ZNF776: variants seen among roughly 807,000 people sequenced by gnomAD.
ZNF776 encodes zinc finger protein 776.
A neutral mutation model predicts 7.0 loss-of-function variants in ZNF776; 4 were observed. That is an observed-to-expected ratio of 0.57 (90% CI 0.28 to 1.31). The LOEUF is 1.31. Ranked by LOEUF, ZNF776 falls within the 50% of genes most tolerant of loss-of-function variation. The probability of loss-of-function intolerance (pLI) is 0.10; values close to 1 mark genes in which losing one functional copy is unlikely to be tolerated. For missense variants in ZNF776, 555 were observed against 625.9 expected (o/e 0.89, Z 1.21); for synonymous variants, 212 against 213.7 (o/e 0.99, Z 0.07).
At chr19:57,747,196 G>C (rs892911186) in intron 1 of ZNF776, 105 bp downstream of exon 1, 2 of 1,301,958 alleles carry the variant, frequency 1.5e-6, no homozygotes, top group Non-Finnish European at 2.1e-6. Flanking sequence ...TGAACCCGGC[G>C]TCGGGACACT....
In ZNF776 at chr19:57,756,226, C is replaced by T. The variant is rs1382289066; in HGVS notation, c.*1539C>T. On this transcript the variant is annotated 3_prime_UTR_variant, in exon 3 of 3. Transcript: ENST00000317178. ...TTACTTGACAAGATGGGCTGTCTTT[C>T]CTAGGAATCTCATGATTGTCATGAT... The T allele has an allele frequency of 6.6e-6, 1 of 151,828 alleles. No homozygotes were observed. The highest frequency in any genetic ancestry group is 1.5e-5 in the Non-Finnish European group (1 of 68,018). 9.4% of individuals were successfully genotyped at this position (151,828 alleles called of 1,614,324 possible). A position where few individuals can be genotyped will look rare whatever the true frequency, so the allele number is the denominator to read the frequency against.
chr19:57,757,790 C>G lies in ZNF776; in HGVS notation c.*3103C>G, dbSNP rs1397924976. 6.6e-6 allele frequency: 1 copy of G among 152,144 alleles called. No individual in the cohort carries two copies. The highest frequency in any genetic ancestry group is 2.4e-5 in the African/African-American group (1 of 41,434). The allele number at this position is 152,144 out of a possible 1,614,324, so 9.4% of individuals were successfully genotyped here. A position where few individuals can be genotyped will look rare whatever the true frequency, so the allele number is the denominator to read the frequency against. On this transcript the variant is annotated 3_prime_UTR_variant, in exon 3 of 3. Transcript: ENST00000317178. ...CTTAAAAAATAAATACTATCTTTCT[C>G]TCTGGCCTCTCCATGCTCCAGACAA... is the stretch of plus-strand genomic sequence containing the variant.
chr19:57,750,216 G>A (rs1172621232), intron 1 of ZNF776, among the ~76,000 whole-genome samples: 4 of 150,776 alleles, frequency 2.7e-5, no homozygotes, highest in African/African-American at 9.8e-5. Flanking sequence ...TTGAGCTCAG[G>A]ATTTCGAGAC....
rs200364509 is a variant in ZNF776 at position 57,747,024 on chromosome 19, C to T, written c.-35C>T. On this transcript the variant is annotated 5_prime_UTR_variant, in exon 1 of 3. Transcript: ENST00000317178. ...TGCCCGGGTACCTGCACTGCTCGCCCCCTCCTTTCGACCCCGCTTTCCCCA... is the reference window on the plus strand; with the variant it reads ...TGCCCGGGTACCTGCACTGCTCGCCTCCTCCTTTCGACCCCGCTTTCCCCA... 2.6e-6 allele frequency: 4 copies of T among 1,559,920 alleles called. No homozygotes were observed. Among genetic ancestry groups the T allele is most frequent in the Non-Finnish European group, 3.5e-6 (4 of 1,151,096 alleles).
At chr19:57,751,500 T>C (rs966632907) in intron 2 of ZNF776, among the ~76,000 whole-genome samples, 10 of 152,048 alleles carry the variant, frequency 6.6e-5, no homozygotes, top group Non-Finnish European at 5.9e-5. Flanking sequence ...TAACTCGGAC[T>C]AGAGGCTTCT....
chr19:57,756,067 A>G lies in ZNF776; in HGVS notation c.*1380A>G, dbSNP rs1434278721. 1 of 152,202 alleles carries G rather than the reference A, an allele frequency of 6.6e-6. No homozygotes were observed. The highest frequency in any genetic ancestry group is 1.5e-5 in the Non-Finnish European group (1 of 68,032). The allele number at this position is 152,202 out of a possible 1,614,324, so 9.4% of individuals were successfully genotyped here. ...ATGATAGCTGATGAACTTTTTTAAA[A>G]AATCACACAAAAACCCTCATAATGT... is the stretch of plus-strand genomic sequence containing the variant. On this transcript the variant is annotated 3_prime_UTR_variant, in exon 3 of 3. Coordinates refer to ENST00000317178, the MANE Select transcript of ZNF776 (RefSeq NM_173632.4).
At chr19:57,749,049 A>G (rs926869936) in intron 1 of ZNF776, 3 of 151,454 alleles carry the variant, frequency 2.0e-5, no homozygotes, top group African/African-American at 7.3e-5. Context: ...GCTCATTACA[A>G]CCTCCACCTC....
rs375490927 is a variant in ZNF776 at position 57,753,656 on chromosome 19, A to C, written c.526A>C (p.Ser176Arg). 8.1e-6 allele frequency: 13 copies of C among 1,614,134 alleles called. No homozygotes were observed. The highest frequency in any genetic ancestry group is 1.7e-5 in the Admixed American group (1 of 60,024). The stretch of plus-strand genomic sequence containing the variant: ...TGAGGTTGGGAAAGACTTTTTGTCC[A>C]GCTTGAGATTACTCCAACAAGAGGA... ...FHEVGKDFLS[S>R]LRLLQQEDIH... The change falls in exon 3 of 3, where the codon AGC becomes CGC. Residue 176 changes from serine to arginine, a missense_variant. Ser to Arg is a moderately radical substitution (Grantham distance 110, BLOSUM62 -1). Transcript: ENST00000317178.
intron 1 of ZNF776, among the ~76,000 whole-genome samples, chr19:57,747,475 A>T (rs1338180124): frequency 3.3e-5 from 5 of 152,202 alleles, no homozygotes; most frequent in Non-Finnish European, 7.3e-5. Context: ...CCAGGCTTTA[A>T]AGGTTTCCCA....
chr19:57,754,571 A>G lies in ZNF776; in HGVS notation c.1441A>G (p.Ile481Val), dbSNP rs1298625319. The change falls in exon 3 of 3, where the codon ATT becomes GTT. Residue 481 changes from isoleucine to valine, a missense_variant. Coordinates refer to ENST00000317178, the MANE Select transcript of ZNF776 (RefSeq NM_173632.4). ...QKGSLIRHQQ[I>V]HSGERPHECG... ...GGGCAGTCTCATTCGACATCAGCAG[A>G]TTCACTCTGGAGAAAGGCCACATGA... 3 of 1,614,062 alleles carry G rather than the reference A, an allele frequency of 1.9e-6. No individual in the cohort carries two copies. The highest frequency in any genetic ancestry group is 2.5e-6 in the Non-Finnish European group (3 of 1,179,992).
chr19:57,751,142 T>C (rs1986591752), intron 2 of ZNF776, among the ~76,000 whole-genome samples: 1 of 152,164 alleles, frequency 6.6e-6, no homozygotes, highest in African/African-American at 2.4e-5. Flanking sequence ...GAAGGAGCTT[T>C]ACAGGCACCA....
chr19:57,749,410 A>G (rs1986538183), intron 1 of ZNF776: 1 of 152,246 alleles, frequency 6.6e-6, no homozygotes, highest in Non-Finnish European at 1.5e-5. Context: ...ATGTGGAGTA[A>G]TGCAAGGAGG....
Position 57,746,999 on chromosome 19 carries a change from T to G in ZNF776, c.-60T>G, listed in dbSNP as rs1040479424. 8.9e-5 allele frequency: 134 copies of G among 1,499,720 alleles called. 1 individual carries two copies. The highest frequency in any genetic ancestry group is 1.2e-4 in the Non-Finnish European group (130 of 1,111,350). 92.9% of individuals were successfully genotyped at this position (1,499,720 alleles called of 1,614,324 possible). On this transcript the variant is annotated 5_prime_UTR_variant, in exon 1 of 3. Coordinates refer to ENST00000317178, the MANE Select transcript of ZNF776 (RefSeq NM_173632.4). Reference sequence around the variant, plus strand: ...ACCAAGGCCGGGATCGGGACCACCGTGCCCGGGTACCTGCACTGCTCGCCC... The same window carrying G: ...ACCAAGGCCGGGATCGGGACCACCGGGCCCGGGTACCTGCACTGCTCGCCC...
In ZNF776 at chr19:57,758,037, A is replaced by C. The variant is rs1055130628; in HGVS notation, c.*3350A>C. On this transcript the variant is annotated 3_prime_UTR_variant, in exon 3 of 3. Coordinates refer to ENST00000317178, the MANE Select transcript of ZNF776 (RefSeq NM_173632.4). ...GATATATGAGTAGTTCATTCTTTTT[A>C]TCTTAGAATATGACATGCTATGGAA... 1.3e-5 allele frequency: 2 copies of C among 152,044 alleles called. No homozygotes were observed. Among genetic ancestry groups the C allele is most frequent in the Non-Finnish European group, 2.9e-5 (2 of 68,012 alleles). The allele number at this position is 152,044 out of a possible 1,614,324, so 9.4% of individuals were successfully genotyped here.
intron 2 of ZNF776, among the ~76,000 whole-genome samples, chr19:57,752,569 T>C (rs1986639461): frequency 6.6e-6 from 1 of 152,080 alleles, no homozygotes; most frequent in Admixed American, 6.5e-5. Context: ...GACATAACAT[T>C]AGGGATTTAG....
rs12609667 is a variant in ZNF776, at chr19:57,754,824, C to A, written c.*137C>A. On this transcript the variant is annotated 3_prime_UTR_variant, in exon 3 of 3. Transcript: ENST00000317178. ...TGGCCTCATTCAACAATAGCAAGAT[C>A]ACACTGGGGAAAGGCTTTCTGAGTG... 1 of 824,432 alleles carries A rather than the reference C, an allele frequency of 1.2e-6. No homozygotes were observed. The highest frequency in any genetic ancestry group is 1.9e-6 in the Non-Finnish European group (1 of 533,494). The allele number at this position is 824,432 out of a possible 1,614,324, so 51.1% of individuals were successfully genotyped here. A position where few individuals can be genotyped will look rare whatever the true frequency, so the allele number is the denominator to read the frequency against.
chr19:57,746,889 T>C lies in ZNF776; in HGVS notation c.-170T>C. 5.0e-6 allele frequency: 3 copies of C among 600,950 alleles called. No homozygotes were observed. The highest frequency in any genetic ancestry group is 4.8e-5 in the South Asian group (2 of 41,560). 37.2% of individuals were successfully genotyped at this position (600,950 alleles called of 1,614,324 possible). A position where few individuals can be genotyped will look rare whatever the true frequency, so the allele number is the denominator to read the frequency against. ...GAGTGTTGGGTCGTGTAGAAGTGAC[T>C]GAACCCAGAAGGTGGAGACGAGACG... On this transcript the variant is annotated 5_prime_UTR_variant, in exon 1 of 3. Transcript: ENST00000317178.
Position 57,757,855 on chromosome 19 carries a change from C to T in ZNF776, c.*3168C>T, listed in dbSNP as rs987347623. On this transcript the variant is annotated 3_prime_UTR_variant, in exon 3 of 3. Coordinates refer to ENST00000317178, the MANE Select transcript of ZNF776 (RefSeq NM_173632.4). ...TATTTGCTTAACAGTAGATTAATGT[C>T]AATTTTCTGGAATTTTATATGACTG... is the stretch of plus-strand genomic sequence containing the variant. The T allele has an allele frequency of 6.6e-6, 1 of 152,180 alleles. No individual in the cohort carries two copies. Among genetic ancestry groups the T allele is most frequent in the Non-Finnish European group, 1.5e-5 (1 of 68,034 alleles). 9.4% of individuals were successfully genotyped at this position (152,180 alleles called of 1,614,324 possible). A position where few individuals can be genotyped will look rare whatever the true frequency, so the allele number is the denominator to read the frequency against.
At chr19:57,749,867 C>A (rs1258196751) in intron 1 of ZNF776, among the ~76,000 whole-genome samples, 1 of 152,166 alleles carries the variant, frequency 6.6e-6, no homozygotes, top group African/African-American at 2.4e-5. Flanking sequence ...CATAGTGCAA[C>A]CCCTATGTGG....
Sources: gnomAD v4.1 joint callset for allele counts (sites outside exome capture counted in the v4.1 genomes callset) on GRCh38, gnomAD v4.1.1 for gene constraint, MANE v1.5 for transcripts, NCBI Gene and HGNC (gene_info 2026-07-23, HGNC 2026-07-21) for gene names.